The following ACTA2 variants were observed in gnomAD, a reference collection of about 807,000 sequenced individuals.
The protein encoded by ACTA2 is actin, aortic smooth muscle.
ACTA2 carries 12 observed loss-of-function variants against 39.5 expected under a neutral mutation model. The ratio of observed to expected loss-of-function variants is 0.30; its 90% CI spans 0.19 to 0.49. ACTA2 has a LOEUF of 0.49. ACTA2 is among the 20% of genes least tolerant of loss of function. ACTA2 has a pLI of 0.99. For missense variants in ACTA2, 236 were observed against 498.8 expected (o/e 0.47, Z 5.02); for synonymous variants, 158 against 180.6 (o/e 0.88, Z 1.00).
chr10:88,940,886 G>A (rs527580968), intron 6 of ACTA2: 138 of 347,162 alleles, frequency 4.0e-4, no homozygotes, highest in African/African-American at 2.6e-3. Context: ...GTTGGGACTC[G>A]AGTCCTATCA....
intron 1 of ACTA2, among the ~76,000 whole-genome samples, chr10:88,969,559 T>C (rs982125796): frequency 6.6e-6 from 1 of 152,210 alleles, no homozygotes; most frequent in African/African-American, 2.4e-5. Flanking sequence ...AGTTTTATGT[T>C]TGCAGCATCA....
chr10:88,991,203 C>G (rs1208670826), exon 1 of ACTA2: 2 of 556,878 alleles, frequency 3.6e-6, no homozygotes, highest in Non-Finnish European at 6.5e-6. Flanking sequence ...CCACTGCGCT[C>G]CACGTTGAGG....
At chr10:88,962,621 T>C (rs1341189984) in intron 1 of ACTA2, among the ~76,000 whole-genome samples, 3 of 152,118 alleles carry the variant, frequency 2.0e-5, no homozygotes, top group Admixed American at 6.6e-5. Flanking sequence ...CCCAAGTGTA[T>C]GAACGTAAGA....
chr10:88,974,390 T>C (rs1235386178), intron 1 of ACTA2: 1 of 152,228 alleles, frequency 6.6e-6, no homozygotes, highest in Non-Finnish European at 1.5e-5. Context: ...AAAAGTGATA[T>C]TGAAACTAAA....
chr10:88,944,724 T>C (rs1273205538), intron 3 of ACTA2, among the ~76,000 whole-genome samples: 1 of 152,246 alleles, frequency 6.6e-6, no homozygotes, highest in East Asian at 1.9e-4. Flanking sequence ...ATAGTGTGTC[T>C]ATGTGAAGGT....
At chr10:88,991,118 C>T (rs1024912814) in exon 1 of ACTA2, 1 of 637,230 alleles carries the variant, frequency 1.6e-6, no homozygotes, top group Admixed American at 2.8e-5. Context: ...CGCTGGAGGA[C>T]TTGCTTTTCT....
At chr10:88,962,966 TATATATATATA>T (rs1846258723) in intron 1 of ACTA2, among the ~76,000 whole-genome samples, 2 of 37,486 alleles carry the variant, frequency 5.3e-5, no homozygotes, top group Non-Finnish European at 9.9e-5. Flanking sequence ...TATATATATA[TATATATATATA>T]ATATTTTTTT....
Position 88,948,706 on chromosome 10 carries a change from C to T in ACTA2, c.129+96G>A. 1.9e-6 allele frequency: 3 copies of T among 1,564,234 alleles called. No homozygotes were observed. In the South Asian group the frequency reaches 3.3e-5, roughly 17 times the overall value. ...GTCTATTTGTAACAAGGTTACATAACTTCTGGGCAGAAAGAGATAGACAAT... is the reference window on the plus strand; with the variant it reads ...GTCTATTTGTAACAAGGTTACATAATTTCTGGGCAGAAAGAGATAGACAAT... On this transcript the variant is annotated intron_variant, in intron 2 of 8. Transcript: ENST00000224784.
At chr10:88,949,385 A>G (rs945541280) in intron 1 of ACTA2, among the ~76,000 whole-genome samples, 1 of 152,208 alleles carries the variant, frequency 6.6e-6, no homozygotes, top group Non-Finnish European at 1.5e-5. Context: ...ACATTTTTCT[A>G]GATATGCTAT....
chr10:88,950,243 GA>G (rs1267578980), intron 1 of ACTA2, among the ~76,000 whole-genome samples: 7 of 152,196 alleles, frequency 4.6e-5, no homozygotes, highest in Non-Finnish European at 1.0e-4. Flanking sequence ...TCCGTTAAGA[GA>G]AGGACACCCA....
chr10:88,971,667 GT>G (rs1197967357), intron 1 of ACTA2, among the ~76,000 whole-genome samples: 1 of 151,872 alleles, frequency 6.6e-6, no homozygotes, highest in Non-Finnish European at 1.5e-5. Flanking sequence ...CTATCTTTTT[GT>G]AACTAATAGG....
intron 1 of ACTA2, among the ~76,000 whole-genome samples, chr10:88,978,261 A>AG (rs1199068890): frequency 3.6e-4 from 35 of 97,434 alleles, no homozygotes; most frequent in African/African-American, 1.1e-3. Flanking sequence ...GGGTGGGGGG[A>AG]GGGGGGAGGG....
At chr10:88,970,827 C>G (rs902500383) in intron 1 of ACTA2, among the ~76,000 whole-genome samples, 4 of 151,884 alleles carry the variant, frequency 2.6e-5, no homozygotes, top group Admixed American at 2.6e-4. Context: ...ATGTAACAAA[C>G]CTGCACGTTG....
chr10:88,943,736 C>T, intron 4 of ACTA2, 61 bp downstream of exon 4: 2 of 1,405,348 alleles, frequency 1.4e-6, no homozygotes, highest in Non-Finnish European at 2.0e-6. Flanking sequence ...GCTGCATAGC[C>T]TCCTTCTAAC....
At position 88,990,658 on chromosome 10, in the gene ACTA2, C is replaced by A. The variant is rs748194099; in HGVS notation, c.-24+281G>T. 1.4e-6 allele frequency: 1 copy of A among 700,234 alleles called. No homozygotes were observed. The highest frequency in any genetic ancestry group is 1.7e-5 in the African/African-American group (1 of 57,260). 43.4% of individuals were successfully genotyped at this position (700,234 alleles called of 1,614,324 possible). A position where few individuals can be genotyped will look rare whatever the true frequency, so the allele number is the denominator to read the frequency against. ...TCGTGAGCTCGTCTCTGATCTCGCG[C>A]AAGAGTGACACACAGGTGTTCAAAG... On this transcript the variant is annotated intron_variant, in intron 1 of 4. Coordinates refer to the ACTA2 transcript ENST00000415557. This position sits in a 1 kb window ranked among gnomAD's most constrained non-coding sequence, Gnocchi z 4.9.
At chr10:88,975,966 C>A (rs1398848013) in intron 1 of ACTA2, among the ~76,000 whole-genome samples, 3 of 152,136 alleles carry the variant, frequency 2.0e-5, no homozygotes, top group African/African-American at 7.2e-5. Flanking sequence ...TTAATTGTCA[C>A]CAAAATCTGA....
intron 1 of ACTA2, among the ~76,000 whole-genome samples, 153 bp downstream of exon 1, chr10:88,952,578 C>G (rs1461177989): frequency 6.6e-6 from 1 of 152,156 alleles, no homozygotes; most frequent in African/African-American, 2.4e-5. Context: ...TCATTAAAGC[C>G]AAAAGCTACA....
intron 1 of ACTA2, among the ~76,000 whole-genome samples, chr10:88,972,317 C>T (rs1458751181): frequency 6.6e-6 from 1 of 152,036 alleles, no homozygotes; most frequent in African/African-American, 2.4e-5. Context: ...CTTCAGGCAG[C>T]AGGAAATTAA....
At position 88,935,089 on chromosome 10, in the gene ACTA2, T is replaced by G; in HGVS notation, c.*134A>C. ...ACGCAAGAAGTTACCAGTAGCCTAT[T>G]TCAGATTTATTAAAAAACACATAGG... On this transcript the variant is annotated 3_prime_UTR_variant, in exon 9 of 9. Coordinates refer to ENST00000224784, the MANE Select transcript of ACTA2 (RefSeq NM_001613.4). 7.7e-7 allele frequency: 1 copy of G among 1,303,666 alleles called. No homozygotes were observed. The highest frequency in any genetic ancestry group is 1.1e-6 in the Non-Finnish European group (1 of 926,838). The allele number at this position is 1,303,666 out of a possible 1,614,324, so 80.8% of individuals were successfully genotyped here.
Sources: gnomAD v4.1 joint callset for allele counts (sites outside exome capture counted in the v4.1 genomes callset) on GRCh38, gnomAD v4.1.1 for gene constraint, Gnocchi (gnomAD v3.1) non-coding constraint, MANE v1.5 for transcripts, NCBI Gene and HGNC (gene_info 2026-07-23, HGNC 2026-07-21) for gene names.